TPST1: variants seen among roughly 807,000 people sequenced by gnomAD.
TPST1 encodes protein-tyrosine sulfotransferase 1.
Under a neutral mutation model 34.8 loss-of-function variants are expected in TPST1, and 20 were observed. The ratio of observed to expected loss-of-function variants is 0.57; its 90% CI spans 0.40 to 0.84. The LOEUF (loss-of-function observed/expected upper bound fraction) is 0.84, where lower values mean the gene tolerates loss of function less well. Among genes scored for constraint, TPST1 ranks in the 40% least tolerant of loss-of-function variants. The pLI is 0.00. For synonymous variants in TPST1, 152 were observed against 159.4 expected (o/e 0.95, Z 0.35); for missense variants, 353 against 455.5 (o/e 0.78, Z 2.05).
At chr7:66,272,082 T>C (rs1790715703) in intron 2 of TPST1, among the ~76,000 whole-genome samples, 1 of 152,224 alleles carries the variant, frequency 6.6e-6, no homozygotes, top group African/African-American at 2.4e-5. Flanking sequence ...GGATGTAAGA[T>C]TCTTGGCTTA....
chr7:66,327,230 C>T (rs1791885190), intron 3 of TPST1, among the ~76,000 whole-genome samples: 1 of 151,926 alleles, frequency 6.6e-6, no homozygotes, highest in South Asian at 2.1e-4. Flanking sequence ...AGGCATAAAC[C>T]AATGATGAAA....
chr7:66,207,118 C>T (rs555230254), intron 1 of TPST1, among the ~76,000 whole-genome samples: 2 of 152,304 alleles, frequency 1.3e-5, no homozygotes, highest in East Asian at 3.9e-4. Flanking sequence ...CCTGGGCTCC[C>T]AAGGCAGACT....
chr7:66,253,341 A>G (rs111796485), intron 2 of TPST1, among the ~76,000 whole-genome samples: 3 of 149,474 alleles, frequency 2.0e-5, no homozygotes, highest in African/African-American at 4.9e-5. Context: ...GTTTCCATGT[A>G]TGCATTATTC....
intron 1 of TPST1, among the ~76,000 whole-genome samples, chr7:66,229,117 C>CTTT (rs35107589): frequency 6.8e-6 from 1 of 148,082 alleles, no homozygotes; most frequent in Non-Finnish European, 1.5e-5. Context: ...TTGAGACTGG[C>CTTT]TTTTTTTTTT....
chr7:66,286,598 A>G lies in TPST1; in HGVS notation c.933A>G (p.Leu311=), dbSNP rs1791040042. The G allele has an allele frequency of 6.2e-7, 1 of 1,610,564 alleles. No homozygotes were observed. The highest frequency in any genetic ancestry group is 1.3e-5 in the African/African-American group (1 of 74,808). Residue 311 remains leucine (L), a synonymous_variant, in exon 3 of 6, where the codon TTA becomes TTG. Transcript: ENST00000304842. ...TTGGGAAGATACCGCCAGATGTTTT[A>G]CAAGACATGGCAGTGATTGCTCCTA... ...KWVGKIPPDV[L]QDMAVIAPML... is the part of the protein sequence containing the mutation.
At chr7:66,313,402 G>A (rs979367130) in intron 3 of TPST1, among the ~76,000 whole-genome samples, 2 of 152,092 alleles carry the variant, frequency 1.3e-5, no homozygotes, top group Admixed American at 6.6e-5. Context: ...GTGACAGGGC[G>A]AGACTTGATC....
In TPST1 at chr7:66,360,088, C is replaced by G. The variant is rs986029610; in HGVS notation, c.*223C>G. 3.8e-5 allele frequency: 15 copies of G among 398,300 alleles called. No homozygotes were observed. Among genetic ancestry groups the G allele is most frequent in the South Asian group, 2.3e-4 (13 of 55,836 alleles). 24.7% of individuals were successfully genotyped at this position (398,300 alleles called of 1,614,324 possible). ...CTCCTGAGCAAAGAGCTCTTGATCC[C>G]GATTTCATGCACAGCCCTGCAGTAA... is the stretch of plus-strand genomic sequence containing the variant. On this transcript the variant is annotated 3_prime_UTR_variant, in exon 6 of 6. Coordinates refer to ENST00000304842, the MANE Select transcript of TPST1 (RefSeq NM_003596.4).
intron 3 of TPST1, among the ~76,000 whole-genome samples, chr7:66,352,019 A>G (rs966996579): frequency 6.6e-6 from 1 of 152,224 alleles, no homozygotes; most frequent in Non-Finnish European, 1.5e-5. Context: ...CATTTTAAGA[A>G]TCACTTAATA....
At chr7:66,296,676 G>GTTTTTTTTTTTTTTTTTTTTTTTT (rs55888171) in intron 3 of TPST1, among the ~76,000 whole-genome samples, 1 of 92,142 alleles carries the variant, frequency 1.1e-5, no homozygotes, top group Non-Finnish European at 2.0e-5. Context: ...TACTGGGTTG[G>GTTTTTTTTTTTTTTTTTTTTTTTT]TTTTTTTTTT....
intron 1 of TPST1, among the ~76,000 whole-genome samples, chr7:66,237,699 G>A (rs887526799): frequency 6.6e-6 from 1 of 152,066 alleles, no homozygotes; most frequent in Non-Finnish European, 1.5e-5. Context: ...GGTGGGTAAC[G>A]CGCATGCCCA....
intron 3 of TPST1, among the ~76,000 whole-genome samples, chr7:66,346,232 T>C (rs1050681457): frequency 1.3e-5 from 2 of 152,118 alleles, no homozygotes; most frequent in Non-Finnish European, 2.9e-5. Context: ...TATCTGTTGA[T>C]GGACACTTAG....
rs138084521 is a variant in TPST1, at chr7:66,210,991, G to GCA, written c.-102+5485_-102+5486dup. Among the ~76,000 whole-genome samples, 460 of 150,058 alleles carry GCA rather than the reference G, an allele frequency of 3.1e-3. 2 individuals are homozygous for GCA. The highest frequency in any genetic ancestry group is 8.2e-3 in the African/African-American group (336 of 40,968). The stretch of plus-strand genomic sequence containing the variant: ...GTCTGTCTGCCACACACACGCGCGC[G>GCA]CACACACACACACACACCAGGATAA... On this transcript the variant is annotated intron_variant, in intron 1 of 5. Transcript: ENST00000304842.
At chr7:66,342,017 A>C (rs1792248623) in intron 3 of TPST1, among the ~76,000 whole-genome samples, 1 of 152,208 alleles carries the variant, frequency 6.6e-6, no homozygotes, top group South Asian at 2.1e-4. Context: ...CTTAGAAGCA[A>C]AATTCAAGTT....
At chr7:66,357,902 A>G (rs567497526) in intron 5 of TPST1, among the ~76,000 whole-genome samples, 45 of 152,238 alleles carry the variant, frequency 3.0e-4, no homozygotes, top group Middle Eastern at 6.8e-3. Context: ...TGGCCAACAT[A>G]GTGAAACCTC....
intron 3 of TPST1, among the ~76,000 whole-genome samples, chr7:66,293,025 T>C (rs1019491094): frequency 7.2e-5 from 11 of 152,040 alleles, no homozygotes; most frequent in Non-Finnish European, 1.3e-4. Flanking sequence ...GCTAACACGG[T>C]GAAACCCCTT....
chr7:66,311,432 C>T lies in TPST1; in HGVS notation c.1044+24723C>T, dbSNP rs1347003097. 2.0e-5 allele frequency among the ~76,000 whole-genome samples: 3 copies of T among 152,252 alleles called. No homozygotes were observed. In the East Asian group the frequency reaches 5.8e-4, roughly 29 times the overall value. The stretch of plus-strand genomic sequence containing the variant: ...GGGATTACAGGAGTGAGCCACTGTG[C>T]CCAGCCATTTTGTTTTATTTTGAAA... On this transcript the variant is annotated intron_variant, in intron 3 of 5. Coordinates refer to ENST00000304842, the MANE Select transcript of TPST1 (RefSeq NM_003596.4).
intron 1 of TPST1, among the ~76,000 whole-genome samples, chr7:66,208,889 G>A (rs1288742487): frequency 6.6e-6 from 1 of 152,168 alleles, no homozygotes; most frequent in African/African-American, 2.4e-5. Flanking sequence ...AAATTGCCAA[G>A]TACATAGTGC....
chr7:66,234,410 C>CACACACACACACACACACACAG (rs1057348842), intron 1 of TPST1, among the ~76,000 whole-genome samples: 1 of 149,710 alleles, frequency 6.7e-6, no homozygotes, highest in African/African-American at 2.5e-5. Flanking sequence ...TACACACACA[C>CACACACACACACACACACACAG]ACACACACAC....
At chr7:66,301,466 G>C (rs10263690) in intron 3 of TPST1, among the ~76,000 whole-genome samples, 101,274 of 152,160 alleles carry the variant, frequency 0.67, 34,071 homozygotes, top group African/African-American at 0.76. Flanking sequence ...CTATTTGATG[G>C]AAGAGGCCTG....
Sources: allele counts gnomAD v4.1 joint callset (sites outside exome capture counted in the v4.1 genomes callset), GRCh38; gene constraint gnomAD v4.1.1; transcripts MANE v1.5; gene names NCBI Gene and HGNC (gene_info 2026-07-23, HGNC 2026-07-21).